KLHL2: variants seen among roughly 807,000 people sequenced by gnomAD.
The protein encoded by KLHL2 is kelch-like protein 2.
KLHL2 carries 15 observed loss-of-function variants against 75.8 expected under a neutral mutation model. That is an observed-to-expected ratio of 0.20 (90% confidence interval 0.13 to 0.30). The LOEUF (loss-of-function observed/expected upper bound fraction) is 0.30, where lower values mean the gene tolerates loss of function less well. Ranked by LOEUF, KLHL2 falls within the 10% of genes least tolerant of loss-of-function variation. KLHL2 has a pLI of 1.00. For synonymous variants in KLHL2, 214 were observed against 251.9 expected, an observed-to-expected ratio of 0.85 and a Z score of 1.42; for missense variants, 381 against 741.0, an observed-to-expected ratio of 0.51 and a Z score of 5.64.
chr4:165,258,426 G>A (rs1741376305), intron 4 of KLHL2, among the ~76,000 whole-genome samples: 3 of 148,468 alleles, frequency 2.0e-5, no homozygotes, highest in South Asian at 2.1e-4. Context: ...ATCATAGAGT[G>A]CCTTGGGGTT....
chr4:165,220,704 C>T (rs1261873436), intron 2 of KLHL2, among the ~76,000 whole-genome samples: 1 of 152,148 alleles, frequency 6.6e-6, no homozygotes, highest in Non-Finnish European at 1.5e-5. Flanking sequence ...TTCTAACTTA[C>T]TGTGGCAAAG....
At chr4:165,295,162 G>A (rs1744816475) in intron 6 of KLHL2, among the ~76,000 whole-genome samples, 1 of 152,122 alleles carries the variant, frequency 6.6e-6, no homozygotes, top group Non-Finnish European at 1.5e-5. Flanking sequence ...CTTTTAGTGG[G>A]CTGTTTTTCC....
intron 5 of KLHL2, among the ~76,000 whole-genome samples, chr4:165,293,291 C>CA (rs1417199702): frequency 2.0e-5 from 3 of 151,972 alleles, no homozygotes; most frequent in Admixed American, 6.6e-5. Context: ...TGATCTTAGC[C>CA]AAAAGGCCAA....
intron 5 of KLHL2, among the ~76,000 whole-genome samples, chr4:165,276,267 G>A (rs566524221): frequency 6.6e-6 from 1 of 152,282 alleles, no homozygotes; most frequent in African/African-American, 2.4e-5. Flanking sequence ...GGCCTGTTCA[G>A]GCACCCCTCA....
intron 3 of KLHL2, among the ~76,000 whole-genome samples, chr4:165,233,811 A>T (rs1311111881): frequency 6.6e-6 from 1 of 152,258 alleles, no homozygotes; most frequent in Non-Finnish European, 1.5e-5. Flanking sequence ...AGAATGTTGC[A>T]CAAAGAACTT....
intron 4 of KLHL2, among the ~76,000 whole-genome samples, chr4:165,242,777 A>G (rs1263835988): frequency 2.6e-5 from 4 of 152,338 alleles, no homozygotes; most frequent in Middle Eastern, 3.4e-3. Context: ...GATTATAGGC[A>G]TGAGCTACCA....
At chr4:165,254,978 C>T (rs1412757866) in intron 4 of KLHL2, among the ~76,000 whole-genome samples, 1 of 152,212 alleles carries the variant, frequency 6.6e-6, no homozygotes, top group East Asian at 1.9e-4. Flanking sequence ...TGATGTGCTA[C>T]ATGGTCATTG....
At chr4:165,229,028 G>A (rs1354952993) in intron 3 of KLHL2, 115 bp downstream of exon 3, 7 of 615,010 alleles carry the variant, frequency 1.1e-5, no homozygotes, top group East Asian at 2.8e-5. Context: ...GAATTATAGT[G>A]GAAGAAAATG....
chr4:165,304,372 A>G (rs1356109596), intron 8 of KLHL2, among the ~76,000 whole-genome samples: 1 of 152,208 alleles, frequency 6.6e-6, no homozygotes, highest in East Asian at 1.9e-4. Context: ...TTCTAAGTAC[A>G]GGTAGGTCAT....
chr4:165,251,615 G>T (rs72699597), intron 4 of KLHL2, among the ~76,000 whole-genome samples: 258 of 129,572 alleles, frequency 2.0e-3, no homozygotes, highest in Non-Finnish European at 2.1e-3. Context: ...TTTTTTTTTT[G>T]TTTTTTTTTT....
intron 5 of KLHL2, among the ~76,000 whole-genome samples, chr4:165,267,530 G>A (rs1220021535): frequency 6.6e-6 from 1 of 152,136 alleles, no homozygotes; most frequent in Non-Finnish European, 1.5e-5. Context: ...AAGGGCTGTT[G>A]AATTTTGTCA....
rs1737852071 is a variant in KLHL2, at chr4:165,219,946, G to A, written c.39G>A (p.Gln13=). 2 of 1,613,312 alleles carry A rather than the reference G, an allele frequency of 1.2e-6. No homozygotes were observed. Among genetic ancestry groups the A allele is most frequent in the African/African-American group, 1.3e-5 (1 of 74,984 alleles). ...CTTTTATGTACAGATGCACAAAGCA[G>A]GGTCATCAGAAGCCTCTCGATTCAA... ...TPPLPPACTK[Q]GHQKPLDSKD... The change falls in exon 2 of 15, where the codon CAG becomes CAA. Residue 13 remains glutamine, a synonymous_variant. Coordinates refer to ENST00000226725, the MANE Select transcript of KLHL2 (RefSeq NM_007246.4).
At chr4:165,303,494 G>GCCCCCCCCCCCCCCCCCC (rs35038980) in intron 8 of KLHL2, among the ~76,000 whole-genome samples, 2 of 113,282 alleles carry the variant, frequency 1.8e-5, no homozygotes, top group Non-Finnish European at 4.4e-5. Context: ...TTACAACCTT[G>GCCCCCCCCCCCCCCCCCC]CCCCCCCCGC....
intron 5 of KLHL2, among the ~76,000 whole-genome samples, chr4:165,284,109 G>T (rs1262842581): frequency 6.6e-6 from 1 of 152,146 alleles, no homozygotes; most frequent in Non-Finnish European, 1.5e-5. Context: ...GGCCTGTGAT[G>T]GAAGGGGCTG....
In KLHL2 at chr4:165,311,530, C is replaced by T; in HGVS notation, c.1304C>T (p.Thr435Ile). ...TGGTTTCATGTAGCTCCCATGAATA[C>T]AAGGAGGAGCAGTGTTGGTGTGGGT... is the stretch of plus-strand genomic sequence containing the variant. ...NEWFHVAPMNTRRSSVGVGVV... is the reference protein window; with the variant it reads ...NEWFHVAPMNIRRSSVGVGVV... The change falls in exon 11 of 15, where the codon ACA becomes ATA. Residue 435 changes from threonine (T) to isoleucine (I), a missense_variant. By Grantham distance (89) the Thr-to-Ile change is moderately conservative. Around this residue, in one of 5 missense-constraint regions of KLHL2, gnomAD observed 168 missense variants for 370.4 expected, o/e 0.45. Transcript: ENST00000226725. 6.2e-7 allele frequency: 1 copy of T among 1,613,816 alleles called. No homozygotes were observed. The highest frequency in any genetic ancestry group is 8.5e-7 in the Non-Finnish European group (1 of 1,179,816).
intron 5 of KLHL2, 42 bp downstream of exon 5, chr4:165,263,401 T>C: frequency 1.2e-6 from 2 of 1,602,234 alleles, no homozygotes; most frequent in Non-Finnish European, 1.7e-6. Flanking sequence ...AGGAAACTGC[T>C]TGGTTTTTGA....
At chr4:165,270,230 T>C (rs1010053616) in intron 5 of KLHL2, among the ~76,000 whole-genome samples, 4 of 152,206 alleles carry the variant, frequency 2.6e-5, no homozygotes, top group Admixed American at 2.6e-4. Context: ...CTAACCTTTT[T>C]TCAAGGTTTT....
At chr4:165,222,664 A>G (rs1486219852) in intron 2 of KLHL2, among the ~76,000 whole-genome samples, 1 of 152,198 alleles carries the variant, frequency 6.6e-6, no homozygotes, top group African/African-American at 2.4e-5. Context: ...CTTAAATCTT[A>G]TAGCCATTTT....
chr4:165,214,091 A>G (rs536295042), intron 1 of KLHL2, among the ~76,000 whole-genome samples: 1 of 152,292 alleles, frequency 6.6e-6, no homozygotes, highest in Non-Finnish European at 1.5e-5. Flanking sequence ...AGACAGAACT[A>G]CAATTTTGGG....
Sources: allele counts gnomAD v4.1 joint callset (sites outside exome capture counted in the v4.1 genomes callset), GRCh38; gene constraint gnomAD v4.1.1; regional missense constraint gnomAD v4.1.1; transcripts MANE v1.5; gene names NCBI Gene and HGNC (gene_info 2026-07-23, HGNC 2026-07-21).